The following PPP2R2C variants were observed in gnomAD, a reference collection of about 807,000 sequenced individuals.
PPP2R2C encodes protein phosphatase 2, regulatory subunit B, gamma.
In PPP2R2C, 10 loss-of-function variants were observed where a neutral mutation model predicts 45.3. That is an observed-to-expected ratio of 0.22 (90% CI 0.14 to 0.37). The LOEUF (loss-of-function observed/expected upper bound fraction) is 0.37. PPP2R2C is among the 10% of genes least tolerant of loss of function. PPP2R2C has a pLI of 1.00. For missense variants in PPP2R2C, 308 were observed against 619.7 expected, an observed-to-expected ratio of 0.50 and a Z score of 5.34; for synonymous variants, 257 against 245.4, an observed-to-expected ratio of 1.05 and a Z score of -0.44.
intron 1 of PPP2R2C, among the ~76,000 whole-genome samples, chr4:6,559,114 G>C (rs1159136040): frequency 1.3e-5 from 2 of 152,236 alleles, no homozygotes; most frequent in African/African-American, 4.8e-5. Flanking sequence ...TCCTGAGAAG[G>C]AATCACAGAA....
chr4:6,408,581 G>C (rs1717954927), intron 1 of PPP2R2C, among the ~76,000 whole-genome samples: 1 of 152,324 alleles, frequency 6.6e-6, no homozygotes, highest in African/African-American at 2.4e-5. Flanking sequence ...AGATAATCCA[G>C]AGCAGGCGAG....
intron 1 of PPP2R2C, among the ~76,000 whole-genome samples, chr4:6,407,497 C>T (rs554489948): frequency 3.3e-5 from 5 of 152,286 alleles, no homozygotes; most frequent in African/African-American, 4.8e-5. Flanking sequence ...TGGGTTCAAG[C>T]GATTCTCCAG....
chr4:6,382,306 C>CA, intron 1 of PPP2R2C: 5 of 1,283,280 alleles, frequency 3.9e-6, no homozygotes, highest in Non-Finnish European at 5.1e-6. Context: ...CTGTAGTCTC[C>CA]AAAATCTGTG....
intron 1 of PPP2R2C, among the ~76,000 whole-genome samples, chr4:6,561,198 A>T (rs2108847256): frequency 6.6e-6 from 1 of 152,302 alleles, no homozygotes; most frequent in African/African-American, 2.4e-5. Flanking sequence ...ACCTGTGGGA[A>T]GGGGAAATGC....
chr4:6,355,993 GAAAAAAAAAAAA>G (rs61011461), intron 5 of PPP2R2C, among the ~76,000 whole-genome samples: 1 of 97,904 alleles, frequency 1.0e-5, no homozygotes, highest in Non-Finnish European at 2.1e-5. Context: ...ACTCTGCCTG[GAAAAAAAAAAAA>G]AAAAAAAAAA....
chr4:6,455,369 G>A (rs1421898033), intron 1 of PPP2R2C, among the ~76,000 whole-genome samples: 1 of 152,096 alleles, frequency 6.6e-6, no homozygotes, highest in African/African-American at 2.4e-5. Flanking sequence ...ATAAAGTTGG[G>A]GCAGTCGTTG....
At chr4:6,373,248 G>A (rs1247134832) in intron 4 of PPP2R2C, among the ~76,000 whole-genome samples, 1 of 152,190 alleles carries the variant, frequency 6.6e-6, no homozygotes, top group East Asian at 1.9e-4. Flanking sequence ...GGGATGGAAG[G>A]ATCCTGCAGG....
intron 1 of PPP2R2C, among the ~76,000 whole-genome samples, chr4:6,441,871 C>T (rs1162778062): frequency 6.6e-6 from 1 of 152,236 alleles, no homozygotes; most frequent in Admixed American, 6.5e-5. Context: ...GTATGGCCCC[C>T]CAGCACTGCG....
In PPP2R2C at chr4:6,522,136, A is replaced by C. The variant is rs568218575; in HGVS notation, c.49+13135T>G. Among the ~76,000 whole-genome samples, 6 of 150,514 alleles carry C rather than the reference A, an allele frequency of 4.0e-5. No homozygotes were observed. The East Asian group carries it at 9.8e-4, about 25-fold the overall frequency. ...GGCCACTCACAGCTCCCTCCCACCC[A>C]CTCTCCTGCCTTCTCCCTGCCTTTC... On this transcript the variant is annotated intron_variant, in intron 2 of 9. Coordinates refer to the PPP2R2C transcript ENST00000506140.
intron 5 of PPP2R2C, among the ~76,000 whole-genome samples, chr4:6,367,170 TCA>T (rs1205635121): frequency 6.6e-6 from 1 of 151,860 alleles, no homozygotes; most frequent in Non-Finnish European, 1.5e-5. Context: ...GTCCTCTGAG[TCA>T]CCTTTCTCAT....
intron 1 of PPP2R2C, among the ~76,000 whole-genome samples, chr4:6,547,980 G>T (rs555883206): frequency 6.6e-6 from 1 of 152,282 alleles, no homozygotes; most frequent in African/African-American, 2.4e-5. Context: ...CACTTTGGGA[G>T]GCCAAGGCAG....
intron 2 of PPP2R2C, among the ~76,000 whole-genome samples, chr4:6,515,112 C>T (rs973936164): frequency 2.6e-4 from 39 of 152,176 alleles, no homozygotes; most frequent in African/African-American, 9.2e-4. Context: ...CCCAACATAT[C>T]TTTTGAGGGG....
chr4:6,417,195 C>T (rs1342334319), intron 1 of PPP2R2C, among the ~76,000 whole-genome samples: 2 of 152,240 alleles, frequency 1.3e-5, no homozygotes, highest in Non-Finnish European at 2.9e-5. Context: ...TTTACCAGAC[C>T]CCCTTGCAGA....
intron 2 of PPP2R2C, among the ~76,000 whole-genome samples, chr4:6,512,885 C>T (rs1287416929): frequency 6.6e-6 from 1 of 151,970 alleles, no homozygotes; most frequent in Non-Finnish European, 1.5e-5. Context: ...AATGGTTCAT[C>T]TTATGATAAA....
At chr4:6,394,205 G>C (rs1716859403) in intron 1 of PPP2R2C, among the ~76,000 whole-genome samples, 1 of 152,310 alleles carries the variant, frequency 6.6e-6, no homozygotes, top group African/African-American at 2.4e-5. Context: ...CACTGGTAAA[G>C]GGGAGACTGG....
chr4:6,419,271 C>A (rs369268068), intron 1 of PPP2R2C, among the ~76,000 whole-genome samples: 1 of 151,952 alleles, frequency 6.6e-6, no homozygotes, highest in Non-Finnish European at 1.5e-5. Flanking sequence ...CACACACACA[C>A]AAAAATTAGG....
At chr4:6,408,866 C>G (rs1717973101) in intron 1 of PPP2R2C, among the ~76,000 whole-genome samples, 1 of 129,434 alleles carries the variant, frequency 7.7e-6, no homozygotes, top group African/African-American at 3.2e-5. Context: ...TCTCAAGGAT[C>G]CTGTGGCTTT....
chr4:6,481,074 T>C (rs1208729045), intron 2 of PPP2R2C, among the ~76,000 whole-genome samples: 2 of 152,256 alleles, frequency 1.3e-5, no homozygotes, highest in Non-Finnish European at 2.9e-5. Flanking sequence ...TGCAAACCTA[T>C]CCTCTGTCTG....
Position 6,341,564 on chromosome 4 carries a change from C to T in PPP2R2C, c.790+6282G>A, listed in dbSNP as rs151277764. Among the ~76,000 whole-genome samples the T allele has an allele frequency of 5.2e-3, 788 of 152,262 alleles. 9 individuals carry two copies. Among genetic ancestry groups the T allele is most frequent in the African/African-American group, 0.018 (728 of 41,530 alleles). ...GACCCCTAAAGGCGTCTATCTACAT[C>T]CTCCACCCTAGAATCTGTGCACCTG... On this transcript the variant is annotated intron_variant, in intron 6 of 8. Coordinates refer to ENST00000382599, the MANE Select transcript of PPP2R2C (RefSeq NM_020416.4).
Sources: gnomAD v4.1 joint callset for allele counts (sites outside exome capture counted in the v4.1 genomes callset) on GRCh38, gnomAD v4.1.1 for gene constraint, MANE v1.5 for transcripts, NCBI Gene and HGNC (gene_info 2026-07-23, HGNC 2026-07-21) for gene names.